The following ZNF654 variants were observed in gnomAD, a reference collection of about 807,000 sequenced individuals.
The protein encoded by ZNF654 is zinc finger protein 654.
In ZNF654, 19 loss-of-function variants were observed where a neutral mutation model predicts 95.3. That is an observed-to-expected ratio of 0.20 (90% confidence interval 0.14 to 0.29). The LOEUF is 0.29. ZNF654 is among the 10% of genes least tolerant of loss of function. The pLI, the probability that ZNF654 is intolerant of heterozygous loss-of-function variation, is 1.00. For missense variants in ZNF654, 1,046 were observed against 1,341.0 expected, an observed-to-expected ratio of 0.78 and a Z score of 3.44; for synonymous variants, 413 against 457.9, an observed-to-expected ratio of 0.90 and a Z score of 1.25.
At chr3:88,068,124 T>G (rs919670383) in intron 1 of ZNF654, among the ~76,000 whole-genome samples, 1 of 151,978 alleles carries the variant, frequency 6.6e-6, no homozygotes, top group African/African-American at 2.4e-5. Context: ...TGGTAGCTGA[T>G]TAGAGAGGTA....
intron 1 of ZNF654, among the ~76,000 whole-genome samples, chr3:88,064,244 G>A (rs1192559482): frequency 2.6e-4 from 40 of 151,744 alleles, no homozygotes; most frequent in Non-Finnish European, 2.1e-4. Context: ...ATATTTATAA[G>A]TAATTTTTTC....
At chr3:88,109,344 A>G (rs2107750604) in intron 2 of ZNF654, among the ~76,000 whole-genome samples, 1 of 152,250 alleles carries the variant, frequency 6.6e-6, no homozygotes, top group South Asian at 2.1e-4. Context: ...AAGATACCAA[A>G]CCTTCAGTTA....
intron 3 of ZNF654, among the ~76,000 whole-genome samples, chr3:88,117,387 A>G (rs1315189421): frequency 6.6e-6 from 1 of 152,198 alleles, no homozygotes; most frequent in African/African-American, 2.4e-5. Flanking sequence ...AAATGCCAGC[A>G]TAAATAATGT....
rs76577259 is a variant in ZNF654 at position 88,134,841 on chromosome 3, T to A, written c.894-220T>A. On this transcript the variant is annotated intron_variant, in intron 6 of 8. Transcript: ENST00000636215. ...AGGTATGCCAACATATTGTTGGAAT[T>A]CATTCCTTACTACTGTATATTTGTG... is the stretch of plus-strand genomic sequence containing the variant. Among the ~76,000 whole-genome samples, 1,194 of 152,184 alleles carry A rather than the reference T, an allele frequency of 7.8e-3. 22 individuals are homozygous for A. Among genetic ancestry groups the A allele is most frequent in the African/African-American group, 0.027 (1,138 of 41,568 alleles).
chr3:88,105,431 C>A (rs930196602), intron 2 of ZNF654, among the ~76,000 whole-genome samples: 1 of 152,150 alleles, frequency 6.6e-6, no homozygotes, highest in South Asian at 2.1e-4. Context: ...TTGTCCTCTA[C>A]TGGTATGCAT....
intron 1 of ZNF654, among the ~76,000 whole-genome samples, chr3:88,080,902 G>T (rs2107644896): frequency 6.6e-6 from 1 of 152,224 alleles, no homozygotes; most frequent in African/African-American, 2.4e-5. Flanking sequence ...AGTAACATTG[G>T]TACAATAGTC....
intron 1 of ZNF654, among the ~76,000 whole-genome samples, chr3:88,072,898 A>G (rs780122479): frequency 1.3e-5 from 2 of 152,234 alleles, no homozygotes; most frequent in Non-Finnish European, 2.9e-5. Context: ...TCACATGGAG[A>G]GACCATTTCT....
intron 2 of ZNF654, among the ~76,000 whole-genome samples, chr3:88,089,879 G>A (rs1299299471): frequency 6.6e-6 from 1 of 152,162 alleles, no homozygotes; most frequent in Non-Finnish European, 1.5e-5. Context: ...GCATAAAGAT[G>A]TTTCATATGA....
chr3:88,072,272 C>A (rs2107617630), intron 1 of ZNF654, among the ~76,000 whole-genome samples: 1 of 152,208 alleles, frequency 6.6e-6, no homozygotes, highest in East Asian at 1.9e-4. Context: ...ATTTTATTTC[C>A]CTGTTGCCAC....
chr3:88,095,413 C>T (rs1704000561), intron 2 of ZNF654: 2 of 340,008 alleles, frequency 5.9e-6, no homozygotes, highest in Non-Finnish European at 1.1e-5. Flanking sequence ...CCCTTTTAGC[C>T]CTTTGCTGTT....
Position 88,141,688 on chromosome 3 carries a change from T to C in ZNF654, c.*36T>C, listed in dbSNP as rs373406900. 6.8e-6 allele frequency: 10 copies of C among 1,470,664 alleles called. No homozygotes were observed. The African/African-American group carries it at 1.4e-4, about 20-fold the overall frequency. The allele number at this position is 1,470,664 out of a possible 1,614,324, so 91.1% of individuals were successfully genotyped here. ...TCAGAAAGATCTGTCAATCAAGCAGTAGTGTGAAAAAAGCACTATAAGAAA... is the reference window on the plus strand; with the variant it reads ...TCAGAAAGATCTGTCAATCAAGCAGCAGTGTGAAAAAAGCACTATAAGAAA... On this transcript the variant is annotated 3_prime_UTR_variant, in exon 9 of 9. Coordinates refer to ENST00000636215, the MANE Select transcript of ZNF654 (RefSeq NM_001350134.2).
Position 88,140,586 on chromosome 3 carries a change from A to G in ZNF654, c.2917A>G (p.Ser973Gly). 1 of 1,613,788 alleles carries G rather than the reference A, an allele frequency of 6.2e-7. No individual in the cohort carries two copies. The highest frequency in any genetic ancestry group is 1.1e-5 in the South Asian group (1 of 91,074). The change falls in exon 8 of 9, where the codon AGT becomes GGT. Residue 973 changes from serine (S) to glycine (G), a missense_variant. Physicochemically the swap from Ser to Gly is moderately conservative, Grantham distance 56. Coordinates refer to ENST00000636215, the MANE Select transcript of ZNF654 (RefSeq NM_001350134.2). ...GCCAAATTCTGAAAATAATTGTAGT[A>G]GTAGTGATATAGTCAATGGACACAG... ...IEPNSENNCS[S>G]SDIVNGHSEI...
At chr3:88,118,251 C>T (rs1475466417) in intron 3 of ZNF654, among the ~76,000 whole-genome samples, 2 of 152,110 alleles carry the variant, frequency 1.3e-5, no homozygotes, top group East Asian at 1.9e-4. Flanking sequence ...TGAGACACAA[C>T]CTGTTTTTTA....
At chr3:88,059,570 C>T (rs889083315) in intron 1 of ZNF654, 65 bp downstream of exon 1, 2 of 1,443,446 alleles carry the variant, frequency 1.4e-6, no homozygotes, top group South Asian at 1.5e-5. Context: ...GTCTCCTGGT[C>T]TTCTCGTCCA....
chr3:88,140,260 A>G lies in ZNF654; in HGVS notation c.2591A>G (p.His864Arg). The change falls in exon 8 of 9, where the codon CAT becomes CGT. Residue 864 changes from histidine (H) to arginine (R), a missense_variant. His to Arg is a conservative substitution (Grantham distance 29). Around this residue, in one of 9 missense-constraint regions of ZNF654, gnomAD observed 495 missense variants for 537.0 expected, o/e 0.92. Coordinates refer to ENST00000636215, the MANE Select transcript of ZNF654 (RefSeq NM_001350134.2). Reference protein sequence around the residue: ...LFEDLPLLYEHEAQHYLSKTP... With the variant: ...LFEDLPLLYEREAQHYLSKTP... The stretch of plus-strand genomic sequence containing the variant: ...GAAGATCTTCCTCTGCTGTATGAAC[A>G]TGAAGCTCAACACTATTTAAGTAAA... 6.2e-7 allele frequency: 1 copy of G among 1,613,878 alleles called. No individual in the cohort carries two copies. Among genetic ancestry groups the G allele is most frequent in the South Asian group, 1.1e-5 (1 of 91,076 alleles).
chr3:88,081,086 A>G (rs1327681645), intron 1 of ZNF654, among the ~76,000 whole-genome samples: 1 of 152,030 alleles, frequency 6.6e-6, no homozygotes. Flanking sequence ...CTGATCAGTT[A>G]TTAATATTTT....
rs1707241809 is a variant in ZNF654, at chr3:88,143,911, T to G, written c.*2259T>G. ...CTTTTAAAACATAAACCTACATCAT[T>G]TTGCTTTTATAGGGTGCATAAACTT... is the stretch of plus-strand genomic sequence containing the variant. On this transcript the variant is annotated 3_prime_UTR_variant, in exon 9 of 9. Transcript: ENST00000636215. 1.3e-5 allele frequency: 2 copies of G among 151,980 alleles called. No individual in the cohort carries two copies. The highest frequency in any genetic ancestry group is 1.3e-4 in the Admixed American group (2 of 15,256). The allele number at this position is 151,980 out of a possible 1,614,324, so 9.4% of individuals were successfully genotyped here.
At chr3:88,116,167 A>G (rs1705377373) in intron 3 of ZNF654, among the ~76,000 whole-genome samples, 1 of 152,148 alleles carries the variant, frequency 6.6e-6, no homozygotes, top group Admixed American at 6.5e-5. Flanking sequence ...GAAGTGCATC[A>G]GGCATGCAGC....
Position 88,141,560 on chromosome 3 carries a change from G to T in ZNF654, c.3380-85G>T, listed in dbSNP as rs375474616. ...AATATCAATATCCTTTAAAATGACAGGGTATAAATTAAACAGGAATCTGAC... is the reference window on the plus strand; with the variant it reads ...AATATCAATATCCTTTAAAATGACATGGTATAAATTAAACAGGAATCTGAC... On this transcript the variant is annotated intron_variant, in intron 8 of 8. Transcript: ENST00000636215. The T allele has an allele frequency of 3.1e-4, 304 of 980,770 alleles. No individual in the cohort carries two copies. In the African/African-American group the frequency reaches 4.4e-3, roughly 14 times the overall value. 60.8% of individuals were successfully genotyped at this position (980,770 alleles called of 1,614,324 possible). A position where few individuals can be genotyped will look rare whatever the true frequency, so the allele number is the denominator to read the frequency against.
Sources: gnomAD v4.1 joint callset for allele counts (sites outside exome capture counted in the v4.1 genomes callset) on GRCh38, gnomAD v4.1.1 for gene constraint, gnomAD v4.1.1 regional missense constraint, MANE v1.5 for transcripts, NCBI Gene and HGNC (gene_info 2026-07-23, HGNC 2026-07-21) for gene names.